APLP2: variants seen among roughly 807,000 people sequenced by gnomAD.
APLP2 encodes the protein amyloid beta precursor like protein 2, also known as CDEI box-binding protein.
In APLP2, 53 loss-of-function variants were observed where a neutral mutation model predicts 89.9. That is an observed-to-expected ratio of 0.59 (90% CI 0.47 to 0.74). APLP2 has a LOEUF of 0.74. APLP2 is among the 30% of genes least tolerant of loss of function. APLP2 has a pLI of 0.00. For synonymous variants in APLP2, 372 were observed against 348.6 expected (o/e 1.07, Z -0.75); for missense variants, 973 against 975.9 (o/e 1.00, Z 0.04).
rs762290425 is a variant in APLP2 at position 130,120,735 on chromosome 11, G to T, written c.433G>T (p.Val145Phe). 1.2e-6 allele frequency: 2 copies of T among 1,613,982 alleles called. No homozygotes were observed. The highest frequency in any genetic ancestry group is 3.3e-5 in the Admixed American group (2 of 60,010). Residue 145 changes from valine to phenylalanine, a missense_variant, in exon 4 of 17, where the codon GTT becomes TTT. By Grantham distance (50) the Val-to-Phe change is conservative (BLOSUM62 -1). Transcript: ENST00000338167. ...TGAATTTGTAAGTGATGTCCTGCTAGTTCCAGAAAAGTGCCAGTTTTTCCA... is the reference window on the plus strand; with the variant it reads ...TGAATTTGTAAGTGATGTCCTGCTATTTCCAGAAAAGTGCCAGTTTTTCCA... ...VGEFVSDVLL[V>F]PEKCQFFHKE...
Position 130,122,675 on chromosome 11 carries a change from G to A in APLP2, c.922+162G>A, listed in dbSNP as rs140657341. Among the ~76,000 whole-genome samples the A allele has an allele frequency of 3.4e-3, 520 of 152,298 alleles. 1 individual carries two copies. Among genetic ancestry groups the A allele is most frequent in the African/African-American group, 0.012 (496 of 41,562 alleles). On this transcript the variant is annotated intron_variant, in intron 6 of 16. Coordinates refer to ENST00000338167, the MANE Select transcript of APLP2 (RefSeq NM_001142276.2). ...TCCAGTGCAGTGATGGGATGGTGCC[G>A]TCTTAACAAAGTGGGCAGGCAGGCA...
At chr11:130,132,531 G>A (rs1385231981) in intron 11 of APLP2, among the ~76,000 whole-genome samples, 1 of 151,970 alleles carries the variant, frequency 6.6e-6, no homozygotes, top group Non-Finnish European at 1.5e-5. Flanking sequence ...CCGTGTCATT[G>A]GGGTGGATGC....
chr11:130,090,905 C>CCA (rs1565559587), intron 1 of APLP2, among the ~76,000 whole-genome samples: 1 of 148,848 alleles, frequency 6.7e-6, no homozygotes, highest in Admixed American at 6.6e-5. Context: ...TGACCCCCCC[C>CCA]ATCTCCCTCC....
chr11:130,139,121 C>A (rs371679644), intron 13 of APLP2: 2 of 152,194 alleles, frequency 1.3e-5, no homozygotes, highest in East Asian at 1.9e-4. Flanking sequence ...CACTTTGAGA[C>A]AAAAGCTAGC....
chr11:130,143,493 C>A lies in APLP2; in HGVS notation c.*45C>A. ...CCCTGGCGGAGGGATGCAGGTGGGC[C>A]GGAAGATCCCACGATTCCGATCGAC... On this transcript the variant is annotated 3_prime_UTR_variant, in exon 17 of 17. Coordinates refer to ENST00000338167, the MANE Select transcript of APLP2 (RefSeq NM_001142276.2). 1 of 1,513,514 alleles carries A rather than the reference C, an allele frequency of 6.6e-7. No homozygotes were observed. Among genetic ancestry groups the A allele is most frequent in the Non-Finnish European group, 9.2e-7 (1 of 1,090,240 alleles). 93.8% of individuals were successfully genotyped at this position (1,513,514 alleles called of 1,614,324 possible).
chr11:130,112,292 A>C (rs1019132777), intron 3 of APLP2, among the ~76,000 whole-genome samples: 4 of 152,224 alleles, frequency 2.6e-5, no homozygotes, highest in African/African-American at 7.2e-5. Flanking sequence ...TGATGACTTC[A>C]TATCTCTGTG....
intron 1 of APLP2, among the ~76,000 whole-genome samples, chr11:130,095,009 G>C (rs534729159): frequency 1.3e-5 from 2 of 152,158 alleles, no homozygotes; most frequent in South Asian, 4.1e-4. Context: ...AATGCAATGC[G>C]TGTGAAACCA....
intron 16 of APLP2, among the ~76,000 whole-genome samples, chr11:130,142,574 T>C (rs959169118): frequency 3.3e-5 from 5 of 152,180 alleles, no homozygotes; most frequent in Non-Finnish European, 5.9e-5. Flanking sequence ...GGGAAATTAG[T>C]GCAGATGCTG....
At chr11:130,105,148 C>T (rs1056240533) in intron 1 of APLP2, among the ~76,000 whole-genome samples, 2 of 152,206 alleles carry the variant, frequency 1.3e-5, no homozygotes, top group African/African-American at 4.8e-5. Context: ...CGTAGTATCT[C>T]ATGCTTAGGA....
At chr11:130,106,332 A>G (rs1358513972) in intron 1 of APLP2, among the ~76,000 whole-genome samples, 1 of 151,402 alleles carries the variant, frequency 6.6e-6, no homozygotes, top group Non-Finnish European at 1.5e-5. Context: ...TCTATCCACC[A>G]CTCCACCTTA....
intron 12 of APLP2, 142 bp downstream of exon 12, chr11:130,133,870 A>G (rs1283617502): frequency 3.1e-6 from 2 of 635,666 alleles, no homozygotes; most frequent in Non-Finnish European, 5.5e-6. Flanking sequence ...AGAAGCCTGG[A>G]GTCCACTGGA....
chr11:130,130,070 T>C lies in APLP2; in HGVS notation c.1488T>C (p.Tyr496=), dbSNP rs1023923754. 6 of 1,614,146 alleles carry C rather than the reference T, an allele frequency of 3.7e-6. No individual in the cohort carries two copies. The highest frequency in any genetic ancestry group is 1.3e-5 in the African/African-American group (1 of 74,960). ...GCATTCTCCAGGCCTTACGGCGTTA[T>C]GTCCGTGCTGAGAACAAAGATCGCT... ...PHRILQALRR[Y]VRAENKDRLH... is the part of the protein sequence containing the mutation. Residue 496 remains tyrosine, a synonymous_variant, in exon 11 of 17, where the codon TAT becomes TAC. Coordinates refer to ENST00000338167, the MANE Select transcript of APLP2 (RefSeq NM_001142276.2).
intron 1 of APLP2, among the ~76,000 whole-genome samples, chr11:130,081,424 T>C (rs1943134457): frequency 6.6e-6 from 1 of 152,230 alleles, no homozygotes; most frequent in Non-Finnish European, 1.5e-5. Flanking sequence ...AACTGTTACT[T>C]GACTATTTTA....
chr11:130,118,208 T>C (rs535429009), intron 3 of APLP2, among the ~76,000 whole-genome samples: 2 of 152,380 alleles, frequency 1.3e-5, no homozygotes, highest in Admixed American at 1.3e-4. Flanking sequence ...GTGCATTAAC[T>C]GTTGCTTAAA....
At chr11:130,081,377 C>T (rs1371517703) in intron 1 of APLP2, among the ~76,000 whole-genome samples, 1 of 152,068 alleles carries the variant, frequency 6.6e-6, no homozygotes, top group Non-Finnish European at 1.5e-5. Context: ...AGGGATGTTG[C>T]CTACTAGCCA....
intron 1 of APLP2, among the ~76,000 whole-genome samples, chr11:130,104,328 A>G (rs1947360835): frequency 7.1e-6 from 1 of 141,250 alleles, no homozygotes; most frequent in South Asian, 2.2e-4. Context: ...AAGCGATTCT[A>G]GTGTCTCAGC....
rs1950785436 is a variant in APLP2, at chr11:130,130,169, AC to A, written c.1584+4del. ...AGGCGGCCCAGATGAAATCCCAGGT[AC>A]AGTAGATGTAGTAGAAATTGCTGCC... is the stretch of plus-strand genomic sequence containing the variant. On this transcript the variant is annotated splice_donor_region_variant and intron_variant, in intron 11 of 16. Coordinates refer to ENST00000338167, the MANE Select transcript of APLP2 (RefSeq NM_001142276.2). 6.2e-7 allele frequency: 1 copy of A among 1,614,128 alleles called. No individual in the cohort carries two copies. The highest frequency in any genetic ancestry group is 8.5e-7 in the Non-Finnish European group (1 of 1,180,040).
chr11:130,096,180 A>T (rs1462740641), intron 1 of APLP2, among the ~76,000 whole-genome samples: 1 of 152,226 alleles, frequency 6.6e-6, no homozygotes, highest in Non-Finnish European at 1.5e-5. Flanking sequence ...GTCATCCTCA[A>T]CAAGAGAGGA....
intron 1 of APLP2, among the ~76,000 whole-genome samples, chr11:130,104,287 G>A (rs1347673243): frequency 7.4e-6 from 1 of 135,196 alleles, no homozygotes; most frequent in Non-Finnish European, 1.5e-5. Context: ...GCGCAATCTC[G>A]GCTTCACTGC....
Sources: allele counts gnomAD v4.1 joint callset (sites outside exome capture counted in the v4.1 genomes callset), GRCh38; gene constraint gnomAD v4.1.1; transcripts MANE v1.5; gene names NCBI Gene and HGNC (gene_info 2026-07-23, HGNC 2026-07-21).